The following PCDHA2 variants were observed in gnomAD, a reference collection of about 807,000 sequenced individuals.
PCDHA2 encodes the protein protocadherin alpha-2.
A neutral mutation model predicts 66.0 loss-of-function variants in PCDHA2; 58 were observed. The ratio of observed to expected loss-of-function variants is 0.88; its 90% CI spans 0.71 to 1.09. PCDHA2 has a LOEUF of 1.09. Ranked by LOEUF, PCDHA2 falls within the 50% of genes least tolerant of loss-of-function variation. The probability of loss-of-function intolerance (pLI) is 0.00; values close to 1 mark genes in which losing one functional copy is unlikely to be tolerated. For synonymous variants in PCDHA2, 634 were observed against 554.0 expected, an observed-to-expected ratio of 1.14 and a Z score of -2.03; for missense variants, 1,267 against 1,242.3, an observed-to-expected ratio of 1.02 and a Z score of -0.30.
chr5:140,830,753 T>G (rs1771228172), intron 1 of PCDHA2: 1 of 184,998 alleles, frequency 5.4e-6, no homozygotes, highest in Non-Finnish European at 1.1e-5. Context: ...TCTGTTGCAT[T>G]TTAATTCAGA....
chr5:140,877,689 G>A (rs1554169989), intron 1 of PCDHA2: 2 of 1,613,914 alleles, frequency 1.2e-6, no homozygotes, highest in Non-Finnish European at 8.5e-7. Flanking sequence ...AGCCCACGCT[G>A]GTGTGCTCCA....
chr5:141,006,769 A>G (rs575481848), intron 3 of PCDHA2, among the ~76,000 whole-genome samples: 1 of 152,208 alleles, frequency 6.6e-6, no homozygotes, highest in Non-Finnish European at 1.5e-5. Flanking sequence ...AGAATAGAAT[A>G]GAGAAAAATG....
chr5:140,843,097 G>T, intron 1 of PCDHA2: 1 of 1,595,704 alleles, frequency 6.3e-7, no homozygotes, highest in South Asian at 1.1e-5. Flanking sequence ...ACGTGGTAGC[G>T]AAGGTGCGCG....
intron 2 of PCDHA2, among the ~76,000 whole-genome samples, chr5:140,979,831 A>G (rs1401761792): frequency 5.3e-5 from 8 of 152,236 alleles, no homozygotes; most frequent in African/African-American, 1.9e-4. Context: ...TTAAAGAAGA[A>G]ATAATCTTCA....
At chr5:140,828,445 T>C in intron 1 of PCDHA2, 1 of 1,614,218 alleles carries the variant, frequency 6.2e-7, no homozygotes. Flanking sequence ...AGGTTTTCCA[T>C]GTGGACGTGG....
At chr5:140,983,272 G>A (rs2097037556) in intron 3 of PCDHA2, among the ~76,000 whole-genome samples, 1 of 152,176 alleles carries the variant, frequency 6.6e-6, no homozygotes, top group African/African-American at 2.4e-5. Context: ...TAATGGCTGG[G>A]TGAGTATAGG....
At chr5:140,827,439 C>T (rs1581843198) in intron 1 of PCDHA2, among the ~76,000 whole-genome samples, 1 of 152,282 alleles carries the variant, frequency 6.6e-6, no homozygotes, top group South Asian at 2.1e-4. Flanking sequence ...TCCATCATTA[C>T]ACAGAAGAAC....
chr5:140,855,873 A>G lies in PCDHA2; in HGVS notation c.2388+58521A>G. ...ACCGGATGTCGCTGTCGTCCACAAAATAGCTTTTTAGAACAAAGGCATCAG... is the reference window on the plus strand; with the variant it reads ...ACCGGATGTCGCTGTCGTCCACAAAGTAGCTTTTTAGAACAAAGGCATCAG... On this transcript the variant is annotated intron_variant, in intron 1 of 3. Coordinates refer to ENST00000526136, the MANE Select transcript of PCDHA2 (RefSeq NM_018905.3). The G allele has an allele frequency of 2.3e-6, 2 of 864,574 alleles. 1 individual carries two copies. Among genetic ancestry groups the G allele is most frequent in the South Asian group, 4.1e-5 (2 of 49,350 alleles). The allele number at this position is 864,574 out of a possible 1,614,324, so 53.6% of individuals were successfully genotyped here.
At chr5:140,967,086 G>C in intron 1 of PCDHA2, 3 of 1,613,210 alleles carry the variant, frequency 1.9e-6, no homozygotes, top group Non-Finnish European at 2.5e-6. Context: ...CGCATTGATC[G>C]GGAGGCGCTG....
intron 1 of PCDHA2, among the ~76,000 whole-genome samples, chr5:140,909,036 C>T (rs2074275767): frequency 6.6e-6 from 1 of 152,162 alleles, no homozygotes; most frequent in Non-Finnish European, 1.5e-5. Flanking sequence ...CATTTATTTT[C>T]CATACTCTGG....
intron 1 of PCDHA2, among the ~76,000 whole-genome samples, chr5:140,818,779 TTGAC>T (rs1474939105): frequency 1.3e-5 from 2 of 152,184 alleles, no homozygotes; most frequent in Non-Finnish European, 2.9e-5. Context: ...GCAATGAACT[TTGAC>T]TGTACCACTG....
chr5:140,852,750 G>A (rs1477121492), intron 1 of PCDHA2: 2 of 984,026 alleles, frequency 2.0e-6, no homozygotes, highest in African/African-American at 3.5e-5. Flanking sequence ...TTTAAACTTG[G>A]ACCCAGGTAT....
At chr5:140,940,390 T>C (rs2092601477) in intron 1 of PCDHA2, among the ~76,000 whole-genome samples, 1 of 152,194 alleles carries the variant, frequency 6.6e-6, no homozygotes. Flanking sequence ...ATTTTGGTTA[T>C]TGTGTTTTTC....
chr5:140,918,660 A>G (rs1490487097), intron 1 of PCDHA2, among the ~76,000 whole-genome samples: 1 of 152,200 alleles, frequency 6.6e-6, no homozygotes, highest in Non-Finnish European at 1.5e-5. Context: ...TCTCATGTTG[A>G]TGGTATGAAG....
chr5:140,966,925 A>C (rs782069766), intron 1 of PCDHA2: 1 of 1,603,462 alleles, frequency 6.2e-7, no homozygotes, highest in Non-Finnish European at 8.5e-7. Context: ...AGGAGCAGGC[A>C]CCCGGCGCGC....
At chr5:140,801,526 T>C in intron 1 of PCDHA2, 2 of 1,614,202 alleles carry the variant, frequency 1.2e-6, no homozygotes, top group Middle Eastern at 1.7e-4. Flanking sequence ...GAGGTGATCG[T>C]GGACAGGCCG....
chr5:140,886,012 T>C (rs1363937487), intron 1 of PCDHA2, among the ~76,000 whole-genome samples: 1 of 152,190 alleles, frequency 6.6e-6, no homozygotes, highest in Non-Finnish European at 1.5e-5. Context: ...TAAAGGGAGA[T>C]GCTATGTATT....
At chr5:140,819,364 T>C (rs1766546050) in intron 1 of PCDHA2, among the ~76,000 whole-genome samples, 1 of 152,186 alleles carries the variant, frequency 6.6e-6, no homozygotes, top group African/African-American at 2.4e-5. Flanking sequence ...TAAATTTTCT[T>C]GTGTTAGTAT....
intron 1 of PCDHA2, among the ~76,000 whole-genome samples, chr5:140,941,202 C>CTTTCCTT (rs1554213921): frequency 5.7e-5 from 7 of 122,742 alleles, no homozygotes; most frequent in Admixed American, 1.7e-4. Flanking sequence ...TTTCTTTCTT[C>CTTTCCTT]CTTTCTTTCT....
Sources: gnomAD v4.1 joint callset for allele counts (sites outside exome capture counted in the v4.1 genomes callset) on GRCh38, gnomAD v4.1.1 for gene constraint, MANE v1.5 for transcripts, NCBI Gene and HGNC (gene_info 2026-07-23, HGNC 2026-07-21) for gene names.